CNKSR2: variants seen among roughly 807,000 people sequenced by gnomAD.
The protein encoded by CNKSR2 is CNK homolog protein 2.
A neutral mutation model predicts 84.4 loss-of-function variants in CNKSR2; 14 were observed. The observed-to-expected ratio is 0.17, with a 90% CI of 0.11 to 0.26. The LOEUF (loss-of-function observed/expected upper bound fraction) is 0.26. Among genes scored for constraint, CNKSR2 ranks in the 10% least tolerant of loss-of-function variants. The pLI is 1.00. For missense variants in CNKSR2, 485 were observed against 771.2 expected (o/e 0.63, Z 4.40); for synonymous variants, 275 against 277.9 (o/e 0.99, Z 0.10).
rs1303453930 is a variant in CNKSR2, at chrX:21,521,675, G to T, written c.957+5044G>T. On this transcript the variant is annotated intron_variant, in intron 9 of 21. Transcript: ENST00000379510. ...AGCCATTTTATAGTGTGACTCTTAA[G>T]TCTTTATTAGTTATATGCTTTATAA... 2.7e-5 allele frequency among the ~76,000 whole-genome samples: 3 copies of T among 110,451 alleles called. No individual in the cohort carries two copies. The Admixed American group carries it at 2.9e-4, about 11-fold the overall frequency.
At chrX:21,489,573 T>C (rs2091422059) in intron 5 of CNKSR2, among the ~76,000 whole-genome samples, 1 of 111,981 alleles carries the variant, frequency 8.9e-6, no homozygotes, top group Admixed American at 9.5e-5. Context: ...CTATTCTACT[T>C]TCTTCATGAT....
chrX:21,625,869 T>A (rs2092620903), intron 20 of CNKSR2, among the ~76,000 whole-genome samples: 1 of 111,898 alleles, frequency 8.9e-6, no homozygotes, highest in Non-Finnish European at 1.9e-5. Context: ...TATTCAGTGT[T>A]CAGCTTGTAC....
rs755924018 is a variant in CNKSR2, at chrX:21,654,051, T to C, written c.*1530T>C. On this transcript the variant is annotated 3_prime_UTR_variant, in exon 22 of 22. Coordinates refer to ENST00000379510, the MANE Select transcript of CNKSR2 (RefSeq NM_014927.5). ...AAACCACCATTGAATCACTATCGTTTTGCAGACTTTGCACAACTGTACAGG... is the reference window on the plus strand; with the variant it reads ...AAACCACCATTGAATCACTATCGTTCTGCAGACTTTGCACAACTGTACAGG... The C allele has an allele frequency of 2.7e-5, 3 of 110,681 alleles. No homozygotes were observed. The highest frequency in any genetic ancestry group is 7.7e-4 in the South Asian group (2 of 2,599). 9.1% of individuals were successfully genotyped at this position (110,681 alleles called of 1,213,427 possible).
chrX:21,483,829 C>G (rs1206234407), intron 5 of CNKSR2, among the ~76,000 whole-genome samples: 3 of 109,402 alleles, frequency 2.7e-5, no homozygotes, highest in Non-Finnish European at 3.8e-5. Context: ...TTTAGTGAGG[C>G]GTATACTTAC....
At position 21,572,931 on chromosome X, in the gene CNKSR2, T is replaced by A. The variant is rs2092293954; in HGVS notation, c.1608+9479T>A. 2.7e-5 allele frequency among the ~76,000 whole-genome samples: 3 copies of A among 111,393 alleles called. No homozygotes were observed. The South Asian group carries it at 1.1e-3, about 42-fold the overall frequency. On this transcript the variant is annotated intron_variant, in intron 13 of 21. Coordinates refer to ENST00000379510, the MANE Select transcript of CNKSR2 (RefSeq NM_014927.5). ...TCCAGCATTAACTCAAAAGTCCAAG[T>A]CCAAAGTCTTACCTGAGACAAGGCA...
intron 5 of CNKSR2, among the ~76,000 whole-genome samples, chrX:21,481,292 A>G (rs188712206): frequency 1.1e-3 from 124 of 112,110 alleles, no homozygotes; most frequent in Non-Finnish European, 2.0e-3. Context: ...TGGAGCTAGT[A>G]AGTGGTGAAG....
intron 4 of CNKSR2, among the ~76,000 whole-genome samples, chrX:21,461,635 A>G (rs1451389812): frequency 1.8e-5 from 2 of 112,427 alleles, no homozygotes; most frequent in Non-Finnish European, 3.8e-5. Flanking sequence ...GAGAGTTTCC[A>G]CAATGTTTCC....
rs7055675 is a variant in CNKSR2 at position 21,446,690 on chromosome X, G to A, written c.519+5909G>A. Among the ~76,000 whole-genome samples the A allele has an allele frequency of 9.4e-3, 1,042 of 110,863 alleles. 12 individuals carry two copies. Among genetic ancestry groups the A allele is most frequent in the African/African-American group, 0.031 (951 of 30,690 alleles). On this transcript the variant is annotated intron_variant, in intron 4 of 21. Transcript: ENST00000379510. The stretch of plus-strand genomic sequence containing the variant: ...AACTATATTGCATGTTATCAGAGTC[G>A]CCCTGCCAAAGCGCTTTTAAAGATA...
At chrX:21,496,080 C>A (rs753045998) in intron 6 of CNKSR2, among the ~76,000 whole-genome samples, 8 of 110,679 alleles carry the variant, frequency 7.2e-5, no homozygotes, top group Admixed American at 1.9e-4. Context: ...TGTTAAGTAT[C>A]TGTGTATCTA....
chrX:21,602,120 GTT>G (rs199901615), intron 18 of CNKSR2, among the ~76,000 whole-genome samples: 1 of 109,596 alleles, frequency 9.1e-6, no homozygotes, highest in African/African-American at 3.3e-5. Context: ...GCCAGGTTTT[GTT>G]TTTTTTGTTT....
chrX:21,405,963 G>A (rs1328770639), intron 1 of CNKSR2, among the ~76,000 whole-genome samples: 1 of 110,701 alleles, frequency 9.0e-6, no homozygotes, highest in Non-Finnish European at 1.9e-5. Context: ...TAGCAGAGTA[G>A]CGTGTAGATT....
intron 1 of CNKSR2, among the ~76,000 whole-genome samples, chrX:21,395,304 G>A (rs908624472): frequency 4.5e-5 from 5 of 111,114 alleles, no homozygotes; most frequent in African/African-American, 1.3e-4. Context: ...CTTTTAATCC[G>A]TATAATAGTG....
At chrX:21,483,092 A>C (rs888253765) in intron 5 of CNKSR2, among the ~76,000 whole-genome samples, 2 of 111,932 alleles carry the variant, frequency 1.8e-5, no homozygotes, top group Admixed American at 1.9e-4. Flanking sequence ...ACTCGTATGA[A>C]CAAGAAATTC....
intron 6 of CNKSR2, among the ~76,000 whole-genome samples, chrX:21,496,295 AAAT>A (rs1487106610): frequency 1.8e-5 from 2 of 111,627 alleles, no homozygotes; most frequent in East Asian, 2.8e-4. Flanking sequence ...CTAAGTTCTA[AAAT>A]AATACCATTA....
intron 15 of CNKSR2, chrX:21,593,552 C>T (rs1213237024): frequency 1.8e-5 from 2 of 111,793 alleles, no homozygotes; most frequent in Non-Finnish European, 3.8e-5. Context: ...TGATCATGAG[C>T]AGAACAAGGG....
intron 11 of CNKSR2, among the ~76,000 whole-genome samples, chrX:21,548,529 C>T (rs538235499): frequency 1.8e-5 from 2 of 111,658 alleles, no homozygotes; most frequent in Admixed American, 9.5e-5. Context: ...TGAAAGTATC[C>T]CATACAATAG....
intron 3 of CNKSR2, among the ~76,000 whole-genome samples, 168 bp downstream of exon 3, chrX:21,432,982 T>G (rs935223208): frequency 5.3e-5 from 6 of 112,237 alleles, no homozygotes; most frequent in Non-Finnish European, 1.1e-4. Context: ...GATATTAGTC[T>G]TTTATAAAAT....
intron 2 of CNKSR2, chrX:21,429,779 T>G (rs2090611155): frequency 9.0e-6 from 1 of 110,762 alleles, no homozygotes; most frequent in Non-Finnish European, 1.9e-5. Flanking sequence ...ACACCTGTAG[T>G]ACCAGGTACT....
At chrX:21,467,897 T>G (rs962666709) in intron 4 of CNKSR2, among the ~76,000 whole-genome samples, 2 of 111,059 alleles carry the variant, frequency 1.8e-5, no homozygotes, top group Non-Finnish European at 3.8e-5. Context: ...TGGTAGAAGT[T>G]TTTGAAAAGT....
Sources: gnomAD v4.1 joint callset for allele counts (sites outside exome capture counted in the v4.1 genomes callset) on GRCh38, gnomAD v4.1.1 for gene constraint, MANE v1.5 for transcripts, NCBI Gene and HGNC (gene_info 2026-07-23, HGNC 2026-07-21) for gene names.